RBM10: variants seen among roughly 807,000 people sequenced by gnomAD.
RBM10 encodes the protein RNA-binding protein 10.
A neutral mutation model predicts 84.9 loss-of-function variants in RBM10; 1 was observed. That is an observed-to-expected ratio of 0.01 (90% CI 0.00 to 0.06). The LOEUF (loss-of-function observed/expected upper bound fraction) is 0.06, where lower values mean the gene tolerates loss of function less well. Ranked by LOEUF, RBM10 falls within the 10% of genes least tolerant of loss-of-function variation. The pLI, the probability that RBM10 is intolerant of heterozygous loss-of-function variation, is 1.00. For synonymous variants in RBM10, 326 were observed against 344.5 expected (o/e 0.95, Z 0.60); for missense variants, 438 against 839.0 (o/e 0.52, Z 5.90).
At chrX:47,165,924 G>T (rs781955014) in intron 2 of RBM10, among the ~76,000 whole-genome samples, 1 of 110,509 alleles carries the variant, frequency 9.0e-6, no homozygotes, top group South Asian at 3.9e-4. Context: ...GGAGACTGAG[G>T]CAGGAGAATC....
At chrX:47,176,403 A>G in intron 6 of RBM10, 97 bp from the exon 7 acceptor site, 3 of 1,176,560 alleles carry the variant, frequency 2.5e-6, no homozygotes, top group African/African-American at 1.8e-5. Flanking sequence ...TCCCTCATCC[A>G]TCCAGCTGAA....
chrX:47,146,868 T>C (rs1308648520), intron 1 of RBM10, among the ~76,000 whole-genome samples: 2 of 111,164 alleles, frequency 1.8e-5, no homozygotes, highest in African/African-American at 3.3e-5. Context: ...TGCTGCCTTA[T>C]AGGGGACAGC....
intron 2 of RBM10, among the ~76,000 whole-genome samples, chrX:47,158,682 A>T (rs1933385625): frequency 8.9e-6 from 1 of 111,921 alleles, no homozygotes; most frequent in South Asian, 3.7e-4. Flanking sequence ...GATTACAGGC[A>T]TGGGCCACCG....
chrX:47,173,157 G>A lies in RBM10; in HGVS notation c.462G>A (p.Val154=), dbSNP rs2147142613. The change falls in exon 5 of 24, where the codon GTG becomes GTA. Residue 154 remains valine, a synonymous_variant. Coordinates refer to ENST00000377604, the MANE Select transcript of RBM10 (RefSeq NM_005676.5). ...GTGGCCAGCTGCAGTCGCACGGCGTGCAAGCACGGGAGGTTCGGCTGATGC... is the reference window on the plus strand; with the variant it reads ...GTGGCCAGCTGCAGTCGCACGGCGTACAAGCACGGGAGGTTCGGCTGATGC... ...DIRGQLQSHG[V]QAREVRLMRN... is the part of the protein sequence containing the mutation. 2 of 1,212,304 alleles carry A rather than the reference G, an allele frequency of 1.6e-6. No homozygotes were observed. The highest frequency in any genetic ancestry group is 2.2e-6 in the Non-Finnish European group (2 of 895,626).
chrX:47,162,121 G>A (rs993958037), intron 2 of RBM10, among the ~76,000 whole-genome samples: 4 of 112,631 alleles, frequency 3.6e-5, no homozygotes, highest in African/African-American at 9.7e-5. Flanking sequence ...GATTACAGGC[G>A]TGAGCCACTG....
chrX:47,153,027 G>A (rs1932857148), intron 2 of RBM10, among the ~76,000 whole-genome samples: 1 of 109,750 alleles, frequency 9.1e-6, no homozygotes, highest in African/African-American at 3.3e-5. Context: ...TGTATTTTTA[G>A]TAGAGACAGG....
chrX:47,180,081 G>A (rs782649330), intron 10 of RBM10, 41 bp downstream of exon 10: 5 of 1,204,411 alleles, frequency 4.2e-6, no homozygotes, highest in East Asian at 3.0e-5. Context: ...CCAGGGTCCC[G>A]GCCCCCGGGG....
In RBM10 at chrX:47,186,695, C is replaced by A; in HGVS notation, c.*96C>A. ...GGCTGGGACGGGGCCTTGCTCTTGT[C>A]GGCCAGCCCACTCCCCAGCCAGAGA... On this transcript the variant is annotated 3_prime_UTR_variant, in exon 24 of 24. Transcript: ENST00000377604. The A allele has an allele frequency of 4.6e-6, 5 of 1,082,106 alleles. No individual in the cohort carries two copies. The South Asian group carries it at 9.6e-5, about 21-fold the overall frequency. 89.2% of individuals were successfully genotyped at this position (1,082,106 alleles called of 1,213,427 possible).
chrX:47,163,292 A>G (rs1339563995), intron 2 of RBM10, among the ~76,000 whole-genome samples: 1 of 111,629 alleles, frequency 9.0e-6, no homozygotes, highest in African/African-American at 3.3e-5. Context: ...AAGGATATTA[A>G]CGAGAAAATT....
intron 2 of RBM10, among the ~76,000 whole-genome samples, chrX:47,154,205 G>A (rs868938351): frequency 8.9e-6 from 1 of 111,874 alleles, no homozygotes; most frequent in Non-Finnish European, 1.9e-5. Context: ...TCCTAGAAAT[G>A]CTTTATAAAA....
chrX:47,169,206 A>T, intron 2 of RBM10, 109 bp from the exon 3 acceptor site: 1 of 676,915 alleles, frequency 1.5e-6, no homozygotes, highest in Non-Finnish European at 2.2e-6. Context: ...CTTCTGTTGT[A>T]TGCTCCTCCA....
chrX:47,176,374 G>A (rs1001030610), intron 6 of RBM10, 126 bp from the exon 7 acceptor site: 15 of 1,124,250 alleles, frequency 1.3e-5, no homozygotes, highest in African/African-American at 3.6e-5. Context: ...TCCGCTCTCC[G>A]ACCTCCCTCC....
Position 47,186,534 on chromosome X carries a change from T to A in RBM10, c.2728T>A (p.Ser910Thr). ...ACGGGGCAGCTCCTACGGGGTCACC[T>A]CAACCGAGTCCTACAAGGAGACACT... ...GARGSSYGVT[S>T]TESYKETLHK... Residue 910 changes from serine (S) to threonine (T), a missense_variant, in exon 24 of 24, where the codon TCA becomes ACA. Coordinates refer to ENST00000377604, the MANE Select transcript of RBM10 (RefSeq NM_005676.5). 1 of 1,211,068 alleles carries A rather than the reference T, an allele frequency of 8.3e-7. No homozygotes were observed. Among genetic ancestry groups the A allele is most frequent in the Non-Finnish European group, 1.1e-6 (1 of 895,078 alleles).
At chrX:47,173,399 G>A (rs1461733931) in intron 5 of RBM10, among the ~76,000 whole-genome samples, 4 of 112,257 alleles carry the variant, frequency 3.6e-5, no homozygotes, top group Non-Finnish European at 5.6e-5. Context: ...CAATGGGGCT[G>A]TCGGGGCAGG....
intron 17 of RBM10, among the ~76,000 whole-genome samples, chrX:47,184,285 A>T (rs1935746310): frequency 1.1e-5 from 1 of 93,082 alleles, no homozygotes; most frequent in African/African-American, 3.5e-5. Context: ...ATCCACCACC[A>T]CGCCCAGCTA....
chrX:47,181,317 G>C lies in RBM10; in HGVS notation c.1351G>C (p.Glu451Gln), dbSNP rs1935512902. The C allele has an allele frequency of 8.4e-7, 1 of 1,191,177 alleles. No individual in the cohort carries two copies. The highest frequency in any genetic ancestry group is 1.1e-6 in the Non-Finnish European group (1 of 885,509). The change falls in exon 13 of 24, where the codon GAG becomes CAG. Residue 451 changes from glutamate (E) to glutamine (Q), a missense_variant. Physicochemically the swap from Glu to Gln is conservative, Grantham distance 29 (BLOSUM62 2). Transcript: ENST00000377604. ...DEGYGNSQGT[E>Q]SSLYAHGYLK... Reference sequence around the variant, plus strand: ...GGGCTATGGCAACAGCCAGGGCACAGAGTCTTCCCTCTATGCCCATGGCTA... The same window carrying C: ...GGGCTATGGCAACAGCCAGGGCACACAGTCTTCCCTCTATGCCCATGGCTA...
intron 2 of RBM10, among the ~76,000 whole-genome samples, chrX:47,167,384 T>C (rs1556769624): frequency 9.3e-6 from 1 of 108,011 alleles, no homozygotes. Flanking sequence ...ATTTCTTTTT[T>C]TTTTTTTTTT....
In RBM10 at chrX:47,186,259, G is replaced by T. The variant is rs782378172; in HGVS notation, c.2539G>T (p.Asp847Tyr). 1 of 1,210,187 alleles carries T rather than the reference G, an allele frequency of 8.3e-7. No homozygotes were observed. Among genetic ancestry groups the T allele is most frequent in the South Asian group, 1.8e-5 (1 of 56,749 alleles). The change falls in exon 23 of 24, where the codon GAC becomes TAC. Residue 847 changes from aspartate to tyrosine, a missense_variant and splice_region_variant. By Grantham distance (160) the Asp-to-Tyr change is radical (BLOSUM62 -3). Coordinates refer to ENST00000377604, the MANE Select transcript of RBM10 (RefSeq NM_005676.5). Reference protein sequence around the residue: ...KYGGISTASVDFEQPTRDGLG... With the variant: ...KYGGISTASVYFEQPTRDGLG... ...TCATGCTGTGCACCGCCCCTGCAGA[G>T]ACTTCGAGCAGCCTACTCGGGACGG... is the stretch of plus-strand genomic sequence containing the variant.
intron 16 of RBM10, 58 bp downstream of exon 16, chrX:47,182,100 G>T (rs1935593446): frequency 1.7e-6 from 2 of 1,209,106 alleles, no homozygotes; most frequent in Admixed American, 4.4e-5. Context: ...GGAACAGCTA[G>T]CCCTGCAGGT....
Sources: allele counts gnomAD v4.1 joint callset (sites outside exome capture counted in the v4.1 genomes callset), GRCh38; gene constraint gnomAD v4.1.1; transcripts MANE v1.5; gene names NCBI Gene and HGNC (gene_info 2026-07-23, HGNC 2026-07-21).